EHD3: variants seen among roughly 807,000 people sequenced by gnomAD.
EHD3 encodes the protein EH domain containing 3.
In EHD3, 17 loss-of-function variants were observed where a neutral mutation model predicts 43.0. The ratio of observed to expected loss-of-function variants is 0.40; its 90% CI spans 0.27 to 0.59. The LOEUF (loss-of-function observed/expected upper bound fraction) is 0.59, where lower values mean the gene tolerates loss of function less well. EHD3 is among the 20% of genes least tolerant of loss of function. The probability of loss-of-function intolerance (pLI) is 0.49; values close to 1 mark genes in which losing one functional copy is unlikely to be tolerated. For missense variants in EHD3, 594 were observed against 705.6 expected, an observed-to-expected ratio of 0.84 and a Z score of 1.79; for synonymous variants, 313 against 289.5, an observed-to-expected ratio of 1.08 and a Z score of -0.82.
intron 2 of EHD3, among the ~76,000 whole-genome samples, chr2:31,247,967 T>C (rs1225534520): frequency 6.6e-6 from 1 of 152,206 alleles, no homozygotes; most frequent in Non-Finnish European, 1.5e-5. Context: ...TGAGATTTTC[T>C]CCAGGAGCAC....
Position 31,244,399 on chromosome 2 carries a change from C to T in EHD3, c.353C>T (p.Pro118Leu), listed in dbSNP as rs1326382720. ...CCTGGGAACGCCCTGGTGGTGGATC[C>T]CAAGAAACCCTTCAGGAAACTCAAC... ...IIPGNALVVD[P>L]KKPFRKLNAF... Residue 118 changes from proline to leucine, a missense_variant, in exon 2 of 6, where the codon CCC (proline) becomes CTC (leucine). Coordinates refer to ENST00000322054, the MANE Select transcript of EHD3 (RefSeq NM_014600.3). The T allele has an allele frequency of 5.6e-6, 9 of 1,614,042 alleles. No individual in the cohort carries two copies. The highest frequency in any genetic ancestry group is 1.7e-5 in the Admixed American group (1 of 60,006).
At chr2:31,247,236 A>G (rs1224218598) in intron 2 of EHD3, among the ~76,000 whole-genome samples, 1 of 152,202 alleles carries the variant, frequency 6.6e-6, no homozygotes, top group Non-Finnish European at 1.5e-5. Flanking sequence ...GCAGGGCAGA[A>G]GGATAGAGAA....
Position 31,260,400 on chromosome 2 carries a change from C to A in EHD3, c.503-110C>A. 8.8e-7 allele frequency: 1 copy of A among 1,133,490 alleles called. No individual in the cohort carries two copies. Among genetic ancestry groups the A allele is most frequent in the Non-Finnish European group, 1.2e-6 (1 of 820,252 alleles). The allele number at this position is 1,133,490 out of a possible 1,614,324, so 70.2% of individuals were successfully genotyped here. ...AAATGTGGAGGAGCCAGGATTTAAACTTAGATCTGACTCCCAAGACTGTGT... is the reference window on the plus strand; with the variant it reads ...AAATGTGGAGGAGCCAGGATTTAAAATTAGATCTGACTCCCAAGACTGTGT... On this transcript the variant is annotated intron_variant, in intron 3 of 5. Coordinates refer to ENST00000322054, the MANE Select transcript of EHD3 (RefSeq NM_014600.3). The surrounding 1 kb of genome is among the most constrained non-coding windows in gnomAD (Gnocchi z 4.6).
At position 31,260,994 on chromosome 2, in the gene EHD3, G is replaced by A; in HGVS notation, c.915+72G>A. 2.0e-6 allele frequency: 3 copies of A among 1,503,566 alleles called. No homozygotes were observed. The highest frequency in any genetic ancestry group is 2.7e-6 in the Non-Finnish European group (3 of 1,117,358). The allele number at this position is 1,503,566 out of a possible 1,614,324, so 93.1% of individuals were successfully genotyped here. On this transcript the variant is annotated intron_variant, in intron 4 of 5. Transcript: ENST00000322054. This position sits in a 1 kb window ranked among gnomAD's most constrained non-coding sequence, Gnocchi z 4.6. The stretch of plus-strand genomic sequence containing the variant: ...GTTTGGGGTCAGCTGCACGAGCTGA[G>A]GGTTGCTGCCTCCAACAGCCAGTGC...
intron 5 of EHD3, among the ~76,000 whole-genome samples, chr2:31,264,636 C>T (rs541229958): frequency 6.9e-6 from 1 of 144,182 alleles, no homozygotes; most frequent in South Asian, 2.2e-4. Flanking sequence ...TGGGTTCAAG[C>T]GATTCTCCTC....
At chr2:31,241,094 A>C (rs1683416347) in intron 1 of EHD3, among the ~76,000 whole-genome samples, 1 of 152,094 alleles carries the variant, frequency 6.6e-6, no homozygotes, top group Non-Finnish European at 1.5e-5. Flanking sequence ...GGGATGCCAC[A>C]CCCCAGTCAC....
At chr2:31,253,411 C>A (rs1047857627) in intron 3 of EHD3, among the ~76,000 whole-genome samples, 1 of 152,144 alleles carries the variant, frequency 6.6e-6, no homozygotes, top group Non-Finnish European at 1.5e-5. Context: ...GGACCGGACA[C>A]CCTTCCTCCC....
At chr2:31,245,575 T>G (rs1413594568) in intron 2 of EHD3, among the ~76,000 whole-genome samples, 34 of 111,710 alleles carry the variant, frequency 3.0e-4, no homozygotes, top group African/African-American at 1.0e-3. Context: ...TTTTTTTTTT[T>G]GATGAGATGG....
intron 3 of EHD3, among the ~76,000 whole-genome samples, chr2:31,255,635 A>T (rs1361054313): frequency 6.6e-6 from 1 of 152,012 alleles, no homozygotes; most frequent in Non-Finnish European, 1.5e-5. Flanking sequence ...CTAAATATCC[A>T]CCCTACAGAT....
chr2:31,260,749 G>A lies in EHD3; in HGVS notation c.742G>A (p.Glu248Lys). ...WSLGKIVNTP[E>K]VIRVYIGSFW... ...CTTGGGGAAGATCGTGAACACCCCA[G>A]AGGTGATCCGGGTCTACATCGGCTC... The change falls in exon 4 of 6, where the codon GAG (glutamate) becomes AAG (lysine). Residue 248 changes from glutamate to lysine, a missense_variant. By Grantham distance (56) the Glu-to-Lys change is moderately conservative. Around this residue, in one of 3 missense-constraint regions of EHD3, gnomAD observed 29 missense variants for 60.9 expected, o/e 0.48. Transcript: ENST00000322054. The surrounding 1 kb of genome is among the most constrained non-coding windows in gnomAD (Gnocchi z 4.6). The A allele has an allele frequency of 6.2e-7, 1 of 1,614,204 alleles. No individual in the cohort carries two copies. Among genetic ancestry groups the A allele is most frequent in the Admixed American group, 1.7e-5 (1 of 60,022 alleles).
At chr2:31,243,460 C>CTTTCTTTT (rs1553402472) in intron 1 of EHD3, among the ~76,000 whole-genome samples, 1 of 98,466 alleles carries the variant, frequency 1.0e-5, no homozygotes, top group African/African-American at 4.6e-5. Context: ...TTCTTTCTTT[C>CTTTCTTTT]TTTTTTTTTT....
At chr2:31,264,878 A>C (rs1464884259) in intron 5 of EHD3, among the ~76,000 whole-genome samples, 1 of 152,176 alleles carries the variant, frequency 6.6e-6, no homozygotes, top group Admixed American at 6.5e-5. Flanking sequence ...TAAAATGTAC[A>C]TTGTATATCT....
Position 31,266,857 on chromosome 2 carries a change from C to T in EHD3, c.*153C>T, listed in dbSNP as rs188280370. 10 of 1,044,814 alleles carry T rather than the reference C, an allele frequency of 9.6e-6. No homozygotes were observed. The highest frequency in any genetic ancestry group is 1.3e-5 in the Non-Finnish European group (10 of 748,544). 64.7% of individuals were successfully genotyped at this position (1,044,814 alleles called of 1,614,324 possible). ...CTGTAGGTGAGAGAGGACCATGACG[C>T]CCATGTTTGCAGCTGATACTTGTTT... is the stretch of plus-strand genomic sequence containing the variant. On this transcript the variant is annotated 3_prime_UTR_variant, in exon 6 of 6. Coordinates refer to ENST00000322054, the MANE Select transcript of EHD3 (RefSeq NM_014600.3). The surrounding 1 kb of genome is among the most constrained non-coding windows in gnomAD (Gnocchi z 5.1).
At chr2:31,236,924 TG>T (rs1184948854) in intron 1 of EHD3, among the ~76,000 whole-genome samples, 1 of 152,212 alleles carries the variant, frequency 6.6e-6, no homozygotes, top group African/African-American at 2.4e-5. Flanking sequence ...TCTAAGAAAG[TG>T]GCAGAGTCAA....
Position 31,249,386 on chromosome 2 carries a change from G to A in EHD3, c.420G>A (p.Gln140=). Reference sequence around the variant, plus strand: ...GCCCATGCAGGTTCGTGTGTGCCCAGCTACCTAACCCTGTGCTGGAGAGCA... The same window carrying A: ...GCCCATGCAGGTTCGTGTGTGCCCAACTACCTAACCCTGTGCTGGAGAGCA... ...NAFLNRFVCA[Q]LPNPVLESIS... Residue 140 remains glutamine (Q), a synonymous_variant, in exon 3 of 6, where the codon CAG becomes CAA. Transcript: ENST00000322054. 6.2e-7 allele frequency: 1 copy of A among 1,614,084 alleles called. No individual in the cohort carries two copies. The highest frequency in any genetic ancestry group is 8.5e-7 in the Non-Finnish European group (1 of 1,179,954).
At chr2:31,255,712 T>C (rs1308164654) in intron 3 of EHD3, among the ~76,000 whole-genome samples, 1 of 152,136 alleles carries the variant, frequency 6.6e-6, no homozygotes, top group Non-Finnish European at 1.5e-5. Flanking sequence ...GAGTCATTGC[T>C]TGATGGTCAT....
chr2:31,242,445 A>T (rs1683440180), intron 1 of EHD3, among the ~76,000 whole-genome samples: 1 of 152,198 alleles, frequency 6.6e-6, no homozygotes, highest in Non-Finnish European at 1.5e-5. Context: ...GCACAATTAT[A>T]ATCTTTATCT....
In EHD3 at chr2:31,260,958, A is replaced by T. The variant is rs372378751; in HGVS notation, c.915+36A>T. 5.8e-6 allele frequency: 9 copies of T among 1,552,812 alleles called. No individual in the cohort carries two copies. The highest frequency in any genetic ancestry group is 7.8e-6 in the Non-Finnish European group (9 of 1,153,282). On this transcript the variant is annotated intron_variant, in intron 4 of 5. Transcript: ENST00000322054. This position sits in a 1 kb window ranked among gnomAD's most constrained non-coding sequence, Gnocchi z 4.6. The stretch of plus-strand genomic sequence containing the variant: ...CCCCTGGGAGGTGGGCAGCTTGGGC[A>T]GGGGCCCAGAGTTTGGGGTCAGCTG...
At chr2:31,262,128 G>C (rs1191255020) in intron 5 of EHD3, among the ~76,000 whole-genome samples, 1 of 152,184 alleles carries the variant, frequency 6.6e-6, no homozygotes, top group East Asian at 1.9e-4. Context: ...TCTGGGACAC[G>C]AGCTTCGGGG....
Sources: allele counts gnomAD v4.1 joint callset (sites outside exome capture counted in the v4.1 genomes callset), GRCh38; gene constraint gnomAD v4.1.1; regional missense constraint gnomAD v4.1.1; non-coding constraint Gnocchi (gnomAD v3.1); transcripts MANE v1.5; gene names NCBI Gene and HGNC (gene_info 2026-07-23, HGNC 2026-07-21).